Variants in PARPBP observed in about 807,000 individuals in gnomAD.
The protein encoded by PARPBP is PARP1 binding protein.
In PARPBP, 52 loss-of-function variants were observed where a neutral mutation model predicts 50.0. The ratio of observed to expected loss-of-function variants is 1.04; its 90% confidence interval spans 0.83 to 1.31. PARPBP has a LOEUF of 1.31. Among genes scored for constraint, PARPBP ranks in the 50% most tolerant of loss-of-function variants. PARPBP has a pLI of 0.00. For synonymous variants in PARPBP, 244 were observed against 232.1 expected, an observed-to-expected ratio of 1.05 and a Z score of -0.47; for missense variants, 697 against 672.0, an observed-to-expected ratio of 1.04 and a Z score of -0.41.
intron 2 of PARPBP, among the ~76,000 whole-genome samples, chr12:102,142,759 C>T (rs1884807174): frequency 6.6e-6 from 1 of 152,220 alleles, no homozygotes; most frequent in Non-Finnish European, 1.5e-5. Context: ...GAGGTCCACT[C>T]CAGACTCTGT....
chr12:102,150,395 A>G (rs1301261415), intron 3 of PARPBP: 2 of 355,838 alleles, frequency 5.6e-6, no homozygotes, highest in Non-Finnish European at 1.1e-5. Context: ...TATTCCAAAC[A>G]GTTTTGAATG....
chr12:102,138,023 A>G (rs1883937289), intron 2 of PARPBP, among the ~76,000 whole-genome samples: 1 of 152,204 alleles, frequency 6.6e-6, no homozygotes, highest in Admixed American at 6.5e-5. Flanking sequence ...TATACCCAGT[A>G]ATGGGATGGC....
intron 4 of PARPBP, among the ~76,000 whole-genome samples, chr12:102,161,388 G>A (rs536049715): frequency 1.3e-5 from 2 of 152,164 alleles, no homozygotes; most frequent in South Asian, 4.2e-4. Flanking sequence ...TTACAGGTGT[G>A]AGCCACCACA....
intron 2 of PARPBP, among the ~76,000 whole-genome samples, chr12:102,144,621 T>G (rs191427481): frequency 2.6e-5 from 4 of 152,336 alleles, no homozygotes; most frequent in Admixed American, 6.5e-5. Context: ...AGTTTTACTT[T>G]AACTAGTTAT....
intron 4 of PARPBP, among the ~76,000 whole-genome samples, chr12:102,156,469 G>C (rs535087009): frequency 6.6e-6 from 1 of 151,846 alleles, no homozygotes; most frequent in Non-Finnish European, 1.5e-5. Context: ...TGGGATTACA[G>C]GTGTGAGCCA....
rs1462171399 is a variant in PARPBP at position 102,129,589 on chromosome 12, T to G, written c.153+5548T>G. On this transcript the variant is annotated intron_variant, in intron 2 of 10. Coordinates refer to ENST00000327680, the MANE Select transcript of PARPBP (RefSeq NM_017915.5). ...CTAGGACTTTTGCAGTTTCAAATGT[T>G]AAATTTAAGCCTTTAATACATTTTG... 3.9e-5 allele frequency among the ~76,000 whole-genome samples: 6 copies of G among 152,352 alleles called. No homozygotes were observed. The East Asian group carries it at 1.2e-3, about 29-fold the overall frequency.
chr12:102,144,708 A>G (rs1885125261), intron 2 of PARPBP, among the ~76,000 whole-genome samples: 1 of 152,192 alleles, frequency 6.6e-6, no homozygotes, highest in African/African-American at 2.4e-5. Context: ...GTCAGACTAA[A>G]AATAGTGTTA....
At position 102,164,531 on chromosome 12, in the gene PARPBP, CCTGATA is replaced by C; in HGVS notation, c.590_595del (p.Pro197_Asp198del). 1 of 1,611,952 alleles carries C rather than the reference CCTGATA, an allele frequency of 6.2e-7. No individual in the cohort carries two copies. Among genetic ancestry groups the C allele is most frequent in the African/African-American group, 1.3e-5 (1 of 74,966 alleles). ...GGCTGTGGCTTATATTCTCAATATT[CCTGATA>C]GAGGACTAGGAAGAGAAGCCTTCAC... On this transcript the variant is annotated inframe_deletion, in exon 5 of 11. Transcript: ENST00000327680.
chr12:102,191,436 G>A (rs1858170), intron 9 of PARPBP, among the ~76,000 whole-genome samples: 39,400 of 151,940 alleles, frequency 0.26, 5,255 homozygotes, highest in East Asian at 0.42. Context: ...TAAAAATAAG[G>A]TAAACTTAGA....
intron 1 of PARPBP, among the ~76,000 whole-genome samples, chr12:102,120,731 A>G (rs1395388815): frequency 2.2e-4 from 34 of 152,318 alleles, no homozygotes; most frequent in African/African-American, 4.8e-5. Context: ...AATGCCTGGC[A>G]CTAGGTGGGT....
At position 102,140,786 on chromosome 12, in the gene PARPBP, A is replaced by G. The variant is rs1884459352; in HGVS notation, c.154-7444A>G. The stretch of plus-strand genomic sequence containing the variant: ...AGGTTGTTCAGTTTCCATGTAGTTG[A>G]GTGGTTTTGAGTGAGTTTCTTAATC... On this transcript the variant is annotated intron_variant, in intron 2 of 10. Transcript: ENST00000327680. Among the ~76,000 whole-genome samples, 3 of 152,124 alleles carry G rather than the reference A, an allele frequency of 2.0e-5. No homozygotes were observed. The South Asian group carries it at 6.2e-4, about 32-fold the overall frequency.
In PARPBP at chr12:102,161,486, A is replaced by G. The variant is rs553088060; in HGVS notation, c.496-2952A>G. On this transcript the variant is annotated intron_variant, in intron 4 of 10. Coordinates refer to ENST00000327680, the MANE Select transcript of PARPBP (RefSeq NM_017915.5). The stretch of plus-strand genomic sequence containing the variant: ...TTATGTATTAATTTTTCTTTCATTC[A>G]TCATTGAATGAAAACTCATTGAGAA... Among the ~76,000 whole-genome samples the G allele has an allele frequency of 3.6e-4, 55 of 152,292 alleles. No homozygotes were observed. The South Asian group carries it at 0.011, about 31-fold the overall frequency.
rs1180388019 is a variant in PARPBP at position 102,164,434 on chromosome 12, A to G, written c.496-4A>G. ...AGAAATTAACTGAATATTTTATTGC[A>G]CAGGTGCAGCTGCTAGCAAGGAAAA... On this transcript the variant is annotated splice_region_variant and splice_polypyrimidine_tract_variant and intron_variant, in intron 4 of 10. Coordinates refer to ENST00000327680, the MANE Select transcript of PARPBP (RefSeq NM_017915.5). 1.2e-6 allele frequency: 2 copies of G among 1,604,272 alleles called. No individual in the cohort carries two copies. Among genetic ancestry groups the G allele is most frequent in the African/African-American group, 2.7e-5 (2 of 74,660 alleles).
chr12:102,137,339 T>C (rs1883795612), intron 2 of PARPBP, among the ~76,000 whole-genome samples: 1 of 152,198 alleles, frequency 6.6e-6, no homozygotes, highest in Admixed American at 6.5e-5. Context: ...GAATACCTAG[T>C]AGAGTTGTTA....
intron 1 of PARPBP, among the ~76,000 whole-genome samples, chr12:102,122,875 G>C (rs571175359): frequency 2.6e-5 from 4 of 152,206 alleles, no homozygotes; most frequent in Non-Finnish European, 5.9e-5. Context: ...CTTTTGAAAA[G>C]TATCTCCACC....
intron 2 of PARPBP, among the ~76,000 whole-genome samples, chr12:102,136,499 C>T (rs1262058323): frequency 6.6e-6 from 1 of 152,226 alleles, no homozygotes; most frequent in African/African-American, 2.4e-5. Context: ...AGAATTTTCA[C>T]ATACTGAAAT....
At chr12:102,159,416 C>T (rs868263818) in intron 4 of PARPBP, among the ~76,000 whole-genome samples, 24 of 152,106 alleles carry the variant, frequency 1.6e-4, no homozygotes, top group African/African-American at 4.3e-4. Flanking sequence ...CGTGAGCCAC[C>T]GCACCCAGCT....
intron 7 of PARPBP, among the ~76,000 whole-genome samples, chr12:102,176,139 T>C (rs187895858): frequency 2.6e-5 from 4 of 152,062 alleles, no homozygotes; most frequent in African/African-American, 7.2e-5. Context: ...CCTGCCACCA[T>C]GCCTGGCTAA....
At chr12:102,168,634 T>C (rs1888389620) in intron 6 of PARPBP, among the ~76,000 whole-genome samples, 1 of 152,140 alleles carries the variant, frequency 6.6e-6, no homozygotes, top group Admixed American at 6.6e-5. Context: ...GAAAGGGCAA[T>C]TGACCTGGTT....
Sources: gnomAD v4.1 joint callset for allele counts (sites outside exome capture counted in the v4.1 genomes callset) on GRCh38, gnomAD v4.1.1 for gene constraint, MANE v1.5 for transcripts, NCBI Gene and HGNC (gene_info 2026-07-23, HGNC 2026-07-21) for gene names.